Variants in EML6 observed in about 807,000 individuals in gnomAD.
EML6 encodes the protein EMAP like 6.
EML6 carries 154 observed loss-of-function variants against 240.1 expected under a neutral mutation model. That is an observed-to-expected ratio of 0.64 (90% confidence interval 0.56 to 0.73). EML6 has a LOEUF of 0.73. EML6 is among the 30% of genes least tolerant of loss of function. The pLI is 0.00. For synonymous variants in EML6, 1,148 were observed against 899.0 expected, an observed-to-expected ratio of 1.28 and a Z score of -4.95; for missense variants, 2,964 against 2,474.6, an observed-to-expected ratio of 1.20 and a Z score of -4.20.
At chr2:54,800,057 C>T (rs1229642693) in intron 2 of EML6, among the ~76,000 whole-genome samples, 1 of 151,822 alleles carries the variant, frequency 6.6e-6, no homozygotes, top group Non-Finnish European at 1.5e-5. Flanking sequence ...CCATCCTGGC[C>T]AACATGGTGA....
In EML6 at chr2:54,928,385, G is replaced by A. The variant is rs1383286227; in HGVS notation, c.3748G>A (p.Asp1250Asn). The A allele has an allele frequency of 1.3e-6, 2 of 1,551,910 alleles. No individual in the cohort carries two copies. Among genetic ancestry groups the A allele is most frequent in the African/African-American group, 2.7e-5 (2 of 72,996 alleles). The change falls in exon 27 of 42, where the codon GAC becomes AAC. Residue 1250 changes from aspartate to asparagine, a missense_variant. Transcript: ENST00000356458. ...HVTNVRWLHNDSVLLTVGGAD... is the reference protein window; with the variant it reads ...HVTNVRWLHNNSVLLTVGGAD... ...CACTAACGTGAGGTGGCTGCACAAT[G>A]ACTCTGTGCTGCTCACGGTGGGCGG... is the stretch of plus-strand genomic sequence containing the variant.
Position 54,972,012 on chromosome 2 carries a change from A to T in EML6, c.*1917A>T, listed in dbSNP as rs1307550014. The stretch of plus-strand genomic sequence containing the variant: ...CATTTTATGTGTCAAATAAAATTTG[A>T]TTATGTAAACACATTTGTTGACTTT... On this transcript the variant is annotated 3_prime_UTR_variant, in exon 42 of 42. Coordinates refer to ENST00000356458, the MANE Select transcript of EML6 (RefSeq NM_001039753.4). 2.0e-5 allele frequency: 3 copies of T among 151,750 alleles called. No homozygotes were observed. Among genetic ancestry groups the T allele is most frequent in the African/African-American group, 4.8e-5 (2 of 41,334 alleles). The allele number at this position is 151,750 out of a possible 1,614,324, so 9.4% of individuals were successfully genotyped here. A position where few individuals can be genotyped will look rare whatever the true frequency, so the allele number is the denominator to read the frequency against.
At chr2:54,838,701 T>A (rs1229293209) in intron 7 of EML6, among the ~76,000 whole-genome samples, 1 of 152,096 alleles carries the variant, frequency 6.6e-6, no homozygotes, top group African/African-American at 2.4e-5. Context: ...CATAAGAGGA[T>A]TTTTTTGGTT....
At chr2:54,809,586 A>G (rs998707779) in intron 2 of EML6, among the ~76,000 whole-genome samples, 1 of 152,216 alleles carries the variant, frequency 6.6e-6, no homozygotes, top group African/African-American at 2.4e-5. Flanking sequence ...TGAGGTAGGT[A>G]GAAAAGGATG....
In EML6 at chr2:54,964,008, T is replaced by G. The variant is rs534776499; in HGVS notation, c.5180T>G (p.Leu1727Trp). 1.7e-5 allele frequency: 26 copies of G among 1,551,366 alleles called. No homozygotes were observed. The African/African-American group carries it at 3.1e-4, about 19-fold the overall frequency. The change falls in exon 37 of 42, where the codon TTG becomes TGG. Residue 1727 changes from leucine to tryptophan, a missense_variant. Transcript: ENST00000356458. The stretch of plus-strand genomic sequence containing the variant: ...TAGAAGCTGTTAAACAAGGTGAGCT[T>G]GGGCCATGCGGCCAGGTGTGCAGCC... ...ADKKLLNKVSLGHAARCAAYS... is the reference protein window; with the variant it reads ...ADKKLLNKVSWGHAARCAAYS...
intron 2 of EML6, among the ~76,000 whole-genome samples, chr2:54,780,279 C>T (rs929521076): frequency 6.6e-6 from 1 of 152,196 alleles, no homozygotes; most frequent in Non-Finnish European, 1.5e-5. Flanking sequence ...AAATGACTTT[C>T]AGTCTGTAAG....
intron 17 of EML6, 161 bp downstream of exon 17, chr2:54,879,801 C>T (rs139594370): frequency 1.9e-4 from 114 of 608,098 alleles, no homozygotes; most frequent in Non-Finnish European, 2.9e-4. Flanking sequence ...TTCATGGTGC[C>T]AAACCTGACT....
intron 21 of EML6, among the ~76,000 whole-genome samples, chr2:54,896,243 T>G (rs10164641): frequency 1.3e-5 from 2 of 151,998 alleles, no homozygotes; most frequent in African/African-American, 2.4e-5. Flanking sequence ...GCCTTAGATG[T>G]AAGTCCTGTC....
chr2:54,937,796 T>C (rs1490578847), intron 28 of EML6, among the ~76,000 whole-genome samples: 1 of 152,174 alleles, frequency 6.6e-6, no homozygotes, highest in Non-Finnish European at 1.5e-5. Flanking sequence ...ACAGTGTTTT[T>C]ATATACTCTA....
chr2:54,824,175 C>G (rs1668476176), intron 5 of EML6, among the ~76,000 whole-genome samples: 1 of 152,056 alleles, frequency 6.6e-6, no homozygotes, highest in Admixed American at 6.6e-5. Flanking sequence ...CTCTTTCTGT[C>G]CTTGGTTAAC....
chr2:54,812,236 G>C (rs1667883333), intron 2 of EML6, among the ~76,000 whole-genome samples: 1 of 151,134 alleles, frequency 6.6e-6, no homozygotes, highest in Admixed American at 6.6e-5. Context: ...TTTGTCCAAA[G>C]AACCAGAGAT....
At chr2:54,948,829 G>C (rs1002597662) in intron 28 of EML6, 53 bp from the exon 29 acceptor site, 41 of 1,426,638 alleles carry the variant, frequency 2.9e-5, no homozygotes, top group Non-Finnish European at 4.0e-5. Context: ...CGGGAAGGCA[G>C]CCTTGCAGCC....
intron 31 of EML6, 38 bp downstream of exon 31, chr2:54,952,730 G>A: frequency 7.2e-7 from 1 of 1,384,128 alleles, no homozygotes. Context: ...CTCCCAGCTT[G>A]CAGGGACGCT....
rs1193405445 is a variant in EML6 at position 54,725,880 on chromosome 2, C to T, written c.197+622C>T. Among the ~76,000 whole-genome samples, 2 of 152,224 alleles carry T rather than the reference C, an allele frequency of 1.3e-5. No homozygotes were observed. The highest frequency in any genetic ancestry group is 4.8e-5 in the African/African-American group (2 of 41,456). ...TGAGGTTATTAAAGGCTGGCAGCTGCTGGATCACAAAATCCTACCAGCCAG... is the reference window on the plus strand; with the variant it reads ...TGAGGTTATTAAAGGCTGGCAGCTGTTGGATCACAAAATCCTACCAGCCAG... On this transcript the variant is annotated intron_variant, in intron 2 of 41. Coordinates refer to ENST00000356458, the MANE Select transcript of EML6 (RefSeq NM_001039753.4). This position sits in a 1 kb window ranked among gnomAD's most constrained non-coding sequence, Gnocchi z 4.3.
In EML6 at chr2:54,744,905, TACACACACACACACACACACAC is replaced by T. The variant is rs56324677; in HGVS notation, c.197+19684_197+19705del. 6.9e-3 allele frequency among the ~76,000 whole-genome samples: 737 copies of T among 107,306 alleles called. 2 individuals carry two copies. Among genetic ancestry groups the T allele is most frequent in the African/African-American group, 0.016 (452 of 29,056 alleles). The allele number at this position is 107,306 out of a possible 152,430, so 70.4% of individuals were successfully genotyped here. ...ATGTGTATAACACAACACACACACG[TACACACACACACACACACACAC>T]ACACACACACACACACACACACACA... On this transcript the variant is annotated intron_variant, in intron 2 of 41. Coordinates refer to ENST00000356458, the MANE Select transcript of EML6 (RefSeq NM_001039753.4).
chr2:54,920,298 C>G (rs1221606510), intron 26 of EML6, among the ~76,000 whole-genome samples: 5 of 151,830 alleles, frequency 3.3e-5, no homozygotes, highest in African/African-American at 1.2e-4. Flanking sequence ...AAAAAAAGGA[C>G]TCAAATAAAA....
chr2:54,943,722 C>A (rs983656386), intron 28 of EML6, among the ~76,000 whole-genome samples: 18 of 151,974 alleles, frequency 1.2e-4, no homozygotes, highest in African/African-American at 4.4e-4. Flanking sequence ...CTAGCAGGCA[C>A]ATTAAAAAAG....
intron 28 of EML6, among the ~76,000 whole-genome samples, chr2:54,944,417 G>A (rs1250808888): frequency 3.9e-5 from 6 of 152,102 alleles, no homozygotes; most frequent in East Asian, 1.9e-4. Flanking sequence ...AGTCTATTTC[G>A]CCAACCTTTC....
In EML6 at chr2:54,829,485, A is replaced by G; in HGVS notation, c.847+8A>G. The G allele has an allele frequency of 6.5e-7, 1 of 1,548,270 alleles. No homozygotes were observed. Among genetic ancestry groups the G allele is most frequent in the Non-Finnish European group, 8.7e-7 (1 of 1,143,924 alleles). On this transcript the variant is annotated splice_region_variant and intron_variant, in intron 7 of 41. Coordinates refer to ENST00000356458, the MANE Select transcript of EML6 (RefSeq NM_001039753.4). ...CAGAACAAGGATACAAAGGTAATAT[A>G]TGTGTTAAGCTTACCTGTAACTCTG...
Sources: gnomAD v4.1 joint callset for allele counts (sites outside exome capture counted in the v4.1 genomes callset) on GRCh38, gnomAD v4.1.1 for gene constraint, Gnocchi (gnomAD v3.1) non-coding constraint, MANE v1.5 for transcripts, NCBI Gene and HGNC (gene_info 2026-07-23, HGNC 2026-07-21) for gene names.